The following MATCAP2 variants were observed in gnomAD, a reference collection of about 807,000 sequenced individuals.
MATCAP2 encodes putative tyrosine carboxypeptidase MATCAP2.
At chr7:36,354,473 G>A in the MATCAP2 span, among the ~76,000 whole-genome samples, 1 of 152,232 alleles carries the variant, frequency 6.6e-6, no homozygotes, top group African/African-American at 2.4e-5. Flanking sequence ...AAACTCAAGA[G>A]ACTGTCAGCT....
chr7:36,326,989 C>T, the MATCAP2 span: 3 of 1,391,752 alleles, frequency 2.2e-6, no homozygotes, highest in South Asian at 1.3e-5. Flanking sequence ...AATTTCTTCC[C>T]TGGGCCTTAA....
chr7:36,379,350 G>A, the MATCAP2 span, among the ~76,000 whole-genome samples: 1 of 152,266 alleles, frequency 6.6e-6, no homozygotes, highest in Admixed American at 6.5e-5. Context: ...CAGTCATTTG[G>A]TTGTGGGGCA....
the MATCAP2 span, among the ~76,000 whole-genome samples, chr7:36,360,308 TA>T: frequency 2.0e-5 from 3 of 150,800 alleles, no homozygotes; most frequent in East Asian, 3.9e-4. Flanking sequence ...TTCCAGATAC[TA>T]AAAAAAAACG....
chr7:36,382,299 CAAAAAAAAA>C, the MATCAP2 span, among the ~76,000 whole-genome samples: 1 of 62,932 alleles, frequency 1.6e-5, no homozygotes, highest in East Asian at 3.5e-4. Flanking sequence ...GCGTCTGTCT[CAAAAAAAAA>C]AAAAAAAAAA....
the MATCAP2 span, among the ~76,000 whole-genome samples, chr7:36,362,728 G>A: frequency 2.0e-5 from 3 of 152,046 alleles, no homozygotes; most frequent in Non-Finnish European, 2.9e-5. Flanking sequence ...TGCTCTCTCC[G>A]AACATACTTC....
At chr7:36,366,853 C>G in the MATCAP2 span, 3 of 1,503,802 alleles carry the variant, frequency 2.0e-6, no homozygotes, top group Non-Finnish European at 2.6e-6. Flanking sequence ...TACCTGAGCC[C>G]CGGGCGGCGG....
At chr7:36,338,158 A>AAAT in the MATCAP2 span, among the ~76,000 whole-genome samples, 1 of 152,226 alleles carries the variant, frequency 6.6e-6, no homozygotes, top group Non-Finnish European at 1.5e-5. Flanking sequence ...CCATATTTTG[A>AAAT]AATGGCCCTG....
chr7:36,325,526 T>G, the MATCAP2 span: 1 of 152,210 alleles, frequency 6.6e-6, no homozygotes, highest in African/African-American at 2.4e-5. Flanking sequence ...TATTTAAGCC[T>G]GCACTGAGGT....
At chr7:36,334,003 C>A in the MATCAP2 span, 1 of 1,614,050 alleles carries the variant, frequency 6.2e-7, no homozygotes, top group Non-Finnish European at 8.5e-7. Flanking sequence ...TAGAGGAGGG[C>A]AGCCCTCCAT....
At chr7:36,370,740 C>A in the MATCAP2 span, among the ~76,000 whole-genome samples, 1 of 152,226 alleles carries the variant, frequency 6.6e-6, no homozygotes, top group African/African-American at 2.4e-5. Context: ...CTTGGCCTCA[C>A]AAAGTGCTAG....
the MATCAP2 span, among the ~76,000 whole-genome samples, chr7:36,345,040 T>C: frequency 2.0e-5 from 3 of 152,200 alleles, no homozygotes; most frequent in East Asian, 5.8e-4. Context: ...CTTTGGACCT[T>C]CCCTTTGTGT....
the MATCAP2 span, chr7:36,384,021 TA>T: frequency 2.3e-6 from 1 of 435,138 alleles, no homozygotes; most frequent in South Asian, 7.1e-5. Context: ...AATAGTATTT[TA>T]AAAAGTATAA....
the MATCAP2 span, among the ~76,000 whole-genome samples, chr7:36,346,824 G>A: frequency 2.0e-5 from 3 of 152,128 alleles, no homozygotes; most frequent in African/African-American, 4.8e-5. Context: ...GCAGTGGCAC[G>A]ATCTTGGCTT....
At chr7:36,331,053 A>G in the MATCAP2 span, 1 of 1,613,016 alleles carries the variant, frequency 6.2e-7, no homozygotes, top group Non-Finnish European at 8.5e-7. Context: ...ATTCCATCCA[A>G]GTATACCTGG....
the MATCAP2 span, among the ~76,000 whole-genome samples, chr7:36,360,770 A>T: frequency 6.6e-6 from 1 of 152,216 alleles, no homozygotes; most frequent in African/African-American, 2.4e-5. Flanking sequence ...GGCCGATAAC[A>T]TTTGACACAA....
chr7:36,381,928 G>T, the MATCAP2 span, among the ~76,000 whole-genome samples: 1 of 152,112 alleles, frequency 6.6e-6, no homozygotes. Context: ...GAAGTGTTTA[G>T]AAGATCACTA....
chr7:36,326,099 T>C, the MATCAP2 span: 1 of 152,064 alleles, frequency 6.6e-6, no homozygotes, highest in African/African-American at 2.4e-5. Context: ...TACAATATGT[T>C]TCAGCAAATG....
chr7:36,349,998 CA>C, the MATCAP2 span, among the ~76,000 whole-genome samples: 10 of 152,204 alleles, frequency 6.6e-5, no homozygotes, highest in Non-Finnish European at 1.5e-5. Flanking sequence ...CTTATAACTT[CA>C]GTGTATCTGT....
the MATCAP2 span, chr7:36,367,245 C>T: frequency 3.2e-5 from 35 of 1,102,998 alleles, no homozygotes; most frequent in Admixed American, 5.1e-5. Context: ...GGAAACTGCC[C>T]CCGGGGTCCG....
Sources: allele counts gnomAD v4.1 joint callset (sites outside exome capture counted in the v4.1 genomes callset), GRCh38; gene constraint gnomAD v4.1.1; transcripts MANE v1.5; gene names NCBI Gene and HGNC (gene_info 2026-07-23, HGNC 2026-07-21).